The following RSU1 variants were observed in gnomAD, a reference collection of about 807,000 sequenced individuals.
RSU1 encodes the protein Ras suppressor protein 1, also known as rsu-1.
In RSU1, 26 loss-of-function variants were observed where a neutral mutation model predicts 31.1. The ratio of observed to expected loss-of-function variants is 0.84; its 90% CI spans 0.61 to 1.16. The LOEUF is 1.16. Ranked by LOEUF, RSU1 falls within the 50% of genes most tolerant of loss-of-function variation. The probability of loss-of-function intolerance (pLI) is 0.00; values close to 1 mark genes in which losing one functional copy is unlikely to be tolerated. For synonymous variants in RSU1, 164 were observed against 136.3 expected, an observed-to-expected ratio of 1.20 and a Z score of -1.41; for missense variants, 320 against 339.1, an observed-to-expected ratio of 0.94 and a Z score of 0.44.
chr10:16,747,104 G>A (rs935232185), intron 7 of RSU1, among the ~76,000 whole-genome samples: 8 of 152,030 alleles, frequency 5.3e-5, no homozygotes, highest in Non-Finnish European at 1.0e-4. Flanking sequence ...GGTGTCAACC[G>A]AGGTGGCCAC....
At chr10:16,675,920 G>A (rs115059282) in intron 8 of RSU1, among the ~76,000 whole-genome samples, 1,604 of 152,220 alleles carry the variant, frequency 0.011, 32 homozygotes, top group African/African-American at 0.036. Context: ...TCTTGGATGG[G>A]CAACAGAATT....
chr10:16,778,567 G>A (rs113006836), intron 3 of RSU1, among the ~76,000 whole-genome samples: 7 of 152,314 alleles, frequency 4.6e-5, no homozygotes, highest in African/African-American at 1.7e-4. Flanking sequence ...AGGAAGAGAA[G>A]GACAGGGAAT....
At chr10:16,691,494 G>C (rs1835549052) in intron 8 of RSU1, among the ~76,000 whole-genome samples, 1 of 151,362 alleles carries the variant, frequency 6.6e-6, no homozygotes, top group Admixed American at 6.6e-5. Flanking sequence ...ACAGGAGAAT[G>C]ACAGAAGGAC....
chr10:16,690,133 C>A (rs560527140), intron 8 of RSU1, among the ~76,000 whole-genome samples: 2 of 152,110 alleles, frequency 1.3e-5, no homozygotes, highest in African/African-American at 4.8e-5. Context: ...AACTTGACTG[C>A]CTCTCCTGGG....
At chr10:16,787,268 C>A (rs139733577) in intron 2 of RSU1, among the ~76,000 whole-genome samples, 1 of 152,158 alleles carries the variant, frequency 6.6e-6, no homozygotes, top group South Asian at 2.1e-4. Context: ...TGGAATCTTG[C>A]GAGCCCTTTC....
At chr10:16,640,311 G>A (rs779123403) in intron 8 of RSU1, among the ~76,000 whole-genome samples, 1 of 151,982 alleles carries the variant, frequency 6.6e-6, no homozygotes, top group South Asian at 2.1e-4. Flanking sequence ...CTTAGGTGCT[G>A]CCAAATTCTC....
chr10:16,599,661 G>A (rs1360809853), intron 8 of RSU1, among the ~76,000 whole-genome samples: 1 of 152,238 alleles, frequency 6.6e-6, no homozygotes, highest in Non-Finnish European at 1.5e-5. Context: ...TTAGGGAAAC[G>A]CTCTTGTCCC....
chr10:16,648,884 C>T (rs1254316634), intron 8 of RSU1, among the ~76,000 whole-genome samples: 2 of 152,058 alleles, frequency 1.3e-5, no homozygotes, highest in African/African-American at 4.8e-5. Context: ...CAAGTCACAA[C>T]TATAAAAGCA....
chr10:16,708,459 C>A (rs1023137446), intron 7 of RSU1, among the ~76,000 whole-genome samples: 7 of 152,126 alleles, frequency 4.6e-5, no homozygotes, highest in African/African-American at 1.7e-4. Context: ...TGAGCCTGCA[C>A]AGTTTAAATC....
At chr10:16,741,526 G>A (rs1473808519) in intron 7 of RSU1, among the ~76,000 whole-genome samples, 1 of 152,138 alleles carries the variant, frequency 6.6e-6, no homozygotes, top group Non-Finnish European at 1.5e-5. Flanking sequence ...GGTATGAGCT[G>A]CAAAAATATT....
At chr10:16,803,104 T>C (rs777015111) in intron 2 of RSU1, among the ~76,000 whole-genome samples, 1 of 152,256 alleles carries the variant, frequency 6.6e-6, no homozygotes, top group South Asian at 2.1e-4. Flanking sequence ...TCTCCACAGA[T>C]AATATGATGT....
At chr10:16,728,482 A>G (rs1379844050) in intron 7 of RSU1, among the ~76,000 whole-genome samples, 1 of 152,214 alleles carries the variant, frequency 6.6e-6, no homozygotes, top group African/African-American at 2.4e-5. Context: ...CCAGAAGATG[A>G]CACATAGGCC....
At chr10:16,697,140 AGTAAG>A (rs1283251176) in intron 7 of RSU1, among the ~76,000 whole-genome samples, 1 of 152,166 alleles carries the variant, frequency 6.6e-6, no homozygotes, top group Non-Finnish European at 1.5e-5. Flanking sequence ...AGGCAGGACT[AGTAAG>A]GGAAGGGGTT....
chr10:16,813,574 T>A (rs1358449746), intron 2 of RSU1, among the ~76,000 whole-genome samples: 1 of 152,236 alleles, frequency 6.6e-6, no homozygotes, highest in Non-Finnish European at 1.5e-5. Context: ...ATTAAACCAG[T>A]CTTATGAAGT....
chr10:16,597,883 C>T (rs1024088180), intron 8 of RSU1, among the ~76,000 whole-genome samples: 2 of 152,212 alleles, frequency 1.3e-5, no homozygotes, highest in Admixed American at 1.3e-4. Context: ...CCGCACGATC[C>T]TTTAACTCCT....
chr10:16,656,430 T>A (rs888852038), intron 8 of RSU1, among the ~76,000 whole-genome samples: 1 of 152,218 alleles, frequency 6.6e-6, no homozygotes, highest in Non-Finnish European at 1.5e-5. Flanking sequence ...TTCCAATTGT[T>A]AGTATTACAA....
chr10:16,667,555 T>C lies in RSU1; in HGVS notation c.731+27468A>G, dbSNP rs746550825. ...CAGGCTGGAGTGCACTGGTGCTATCTTGGCTCACTGCAACCTTTGCTTCCT... is the reference window on the plus strand; with the variant it reads ...CAGGCTGGAGTGCACTGGTGCTATCCTGGCTCACTGCAACCTTTGCTTCCT... On this transcript the variant is annotated intron_variant, in intron 8 of 8. Coordinates refer to ENST00000345264, the MANE Select transcript of RSU1 (RefSeq NM_012425.4). 6.6e-5 allele frequency among the ~76,000 whole-genome samples: 10 copies of C among 152,050 alleles called. 1 individual carries two copies. The highest frequency in any genetic ancestry group is 2.4e-4 in the African/African-American group (10 of 41,360).
At chr10:16,641,792 C>A (rs1834447347) in intron 8 of RSU1, among the ~76,000 whole-genome samples, 1 of 152,192 alleles carries the variant, frequency 6.6e-6, no homozygotes, top group Non-Finnish European at 1.5e-5. Flanking sequence ...ACTTTCACAG[C>A]AGACCGACTT....
chr10:16,695,139 A>G lies in RSU1; in HGVS notation c.615T>C (p.Thr205=). The G allele has an allele frequency of 1.4e-6, 2 of 1,433,852 alleles. No homozygotes were observed. The highest frequency in any genetic ancestry group is 1.9e-5 in the Admixed American group (1 of 51,592). The allele number at this position is 1,433,852 out of a possible 1,614,324, so 88.8% of individuals were successfully genotyped here. The change falls in exon 8 of 9, where the codon ACT becomes ACC. Residue 205 remains threonine, a synonymous_variant. Transcript: ENST00000345264. ...CTGCTTTGAATACCTGCTTCTGGCC[A>G]GTTAAATCCAAGTTTCCTGGGGGGG... ...LPPELGNLDL[T]GQKQVFKAEN...
Sources: allele counts gnomAD v4.1 joint callset (sites outside exome capture counted in the v4.1 genomes callset), GRCh38; gene constraint gnomAD v4.1.1; transcripts MANE v1.5; gene names NCBI Gene and HGNC (gene_info 2026-07-23, HGNC 2026-07-21).